GMDS: variants seen among roughly 807,000 people sequenced by gnomAD.
GMDS encodes GDP-mannose 4,6 dehydratase.
GMDS carries 20 observed loss-of-function variants against 49.9 expected under a neutral mutation model. The observed-to-expected ratio is 0.40, with a 90% CI of 0.28 to 0.58. GMDS has a LOEUF of 0.58. Ranked by LOEUF, GMDS falls within the 20% of genes least tolerant of loss-of-function variation. The pLI is 0.42. For missense variants in GMDS, 362 were observed against 481.4 expected (o/e 0.75, Z 2.32); for synonymous variants, 177 against 178.6 (o/e 0.99, Z 0.07).
rs545641212 is a variant in GMDS, at chr6:1,881,164, C to T, written c.771+48939G>A. 1.6e-4 allele frequency among the ~76,000 whole-genome samples: 25 copies of T among 152,016 alleles called. No individual in the cohort carries two copies. In the South Asian group the frequency reaches 3.3e-3, roughly 20 times the overall value. On this transcript the variant is annotated intron_variant, in intron 7 of 10. Transcript: ENST00000380815. ...ACAGGCAGGAGGGAAGTGGGGGCAC[C>T]GATAAATTTAAAAGACCAAACACAA... is the stretch of plus-strand genomic sequence containing the variant.
chr6:2,197,042 C>A (rs1185620953), intron 1 of GMDS, among the ~76,000 whole-genome samples: 2 of 152,168 alleles, frequency 1.3e-5, no homozygotes, highest in African/African-American at 4.8e-5. Flanking sequence ...CAGCAGCAGT[C>A]CCACACCCTT....
chr6:2,172,082 A>C (rs1778038188), intron 1 of GMDS, among the ~76,000 whole-genome samples: 1 of 152,152 alleles, frequency 6.6e-6, no homozygotes, highest in South Asian at 2.1e-4. Flanking sequence ...ACCCCCACGA[A>C]AAGCAAGAAT....
intron 4 of GMDS, among the ~76,000 whole-genome samples, chr6:1,979,760 C>A (rs373334299): frequency 6.6e-6 from 1 of 151,872 alleles, no homozygotes. Context: ...TCTCCAAGGT[C>A]GAAATAAAAG....
rs754644964 is a variant in GMDS at position 1,736,595 on chromosome 6, AC to A, written c.890+5872del. ...AGTTATATTTCCATCACTCAGTGTC[AC>A]AGATTTTACTCCACCTGGTCACAGC... On this transcript the variant is annotated intron_variant, in intron 8 of 10. Coordinates refer to ENST00000380815, the MANE Select transcript of GMDS (RefSeq NM_001500.4). 1.6e-4 allele frequency among the ~76,000 whole-genome samples: 24 copies of A among 152,306 alleles called. No individual in the cohort carries two copies. The South Asian group carries it at 1.7e-3, about 11-fold the overall frequency.
chr6:1,974,116 T>A, intron 4 of GMDS, among the ~76,000 whole-genome samples: 1 of 150,482 alleles, frequency 6.6e-6, no homozygotes. Flanking sequence ...CCTCCAAAAA[T>A]AGCAGATAGT....
chr6:1,913,238 G>A (rs1051463456), intron 7 of GMDS, among the ~76,000 whole-genome samples: 27 of 151,462 alleles, frequency 1.8e-4, no homozygotes, highest in African/African-American at 5.6e-4. Flanking sequence ...AAAATTAGCC[G>A]GGCGTAGTGG....
At chr6:1,706,198 G>A (rs1765729386) in intron 9 of GMDS, among the ~76,000 whole-genome samples, 1 of 152,178 alleles carries the variant, frequency 6.6e-6, no homozygotes, top group Non-Finnish European at 1.5e-5. Context: ...TATATATTGT[G>A]TATGATCAGA....
At chr6:1,631,021 A>G (rs1355899020) in intron 9 of GMDS, among the ~76,000 whole-genome samples, 4 of 152,216 alleles carry the variant, frequency 2.6e-5, no homozygotes, top group Non-Finnish European at 4.4e-5. Flanking sequence ...AACTGGATCT[A>G]GGGTGTAAAG....
In GMDS at chr6:1,776,915, G is replaced by A. The variant is rs572257007; in HGVS notation, c.772-34329C>T. 2.9e-4 allele frequency among the ~76,000 whole-genome samples: 44 copies of A among 152,276 alleles called. 1 individual carries two copies. The highest frequency in any genetic ancestry group is 9.9e-4 in the African/African-American group (41 of 41,562). ...CCCCCAAGATCTGCCAAGTCCTGGG[G>A]GGATGTGGCCCAAACCTCATCAACT... On this transcript the variant is annotated intron_variant, in intron 7 of 10. Coordinates refer to ENST00000380815, the MANE Select transcript of GMDS (RefSeq NM_001500.4).
At chr6:1,685,421 G>A (rs1182728553) in intron 9 of GMDS, among the ~76,000 whole-genome samples, 5 of 152,098 alleles carry the variant, frequency 3.3e-5, no homozygotes, top group Non-Finnish European at 7.4e-5. Context: ...CACTGCTATT[G>A]CTCTTCTGTT....
intron 7 of GMDS, among the ~76,000 whole-genome samples, chr6:1,743,727 C>T (rs958498393): frequency 6.7e-6 from 1 of 149,336 alleles, no homozygotes; most frequent in Non-Finnish European, 1.5e-5. Context: ...CTCGCAATTG[C>T]ACCTTAAAGA....
At chr6:2,062,643 A>G (rs896099584) in intron 4 of GMDS, among the ~76,000 whole-genome samples, 7 of 152,218 alleles carry the variant, frequency 4.6e-5, no homozygotes, top group Non-Finnish European at 7.3e-5. Flanking sequence ...CAAAAAAACA[A>G]AAGTCAAGAT....
chr6:2,059,237 A>G (rs1392882375), intron 4 of GMDS, among the ~76,000 whole-genome samples: 1 of 151,134 alleles, frequency 6.6e-6, no homozygotes, highest in African/African-American at 2.4e-5. Flanking sequence ...TTATGAACCC[A>G]AAAGAGGTGT....
chr6:1,683,138 T>TG (rs1179930710), intron 9 of GMDS, among the ~76,000 whole-genome samples: 5 of 152,186 alleles, frequency 3.3e-5, no homozygotes, highest in Admixed American at 3.3e-4. Flanking sequence ...TTTGTTTGTT[T>TG]TTTGAGTCAG....
At chr6:1,821,050 TC>T (rs1561826266) in intron 7 of GMDS, among the ~76,000 whole-genome samples, 1 of 152,184 alleles carries the variant, frequency 6.6e-6, no homozygotes, top group Non-Finnish European at 1.5e-5. Context: ...CCTCATTGTG[TC>T]TTGTATACAT....
At chr6:2,160,385 T>C (rs1777334928) in intron 1 of GMDS, among the ~76,000 whole-genome samples, 1 of 152,230 alleles carries the variant, frequency 6.6e-6, no homozygotes. Flanking sequence ...AGCACTACTA[T>C]GATCCCATTT....
chr6:1,666,292 G>A (rs577968717), intron 9 of GMDS, among the ~76,000 whole-genome samples: 36 of 152,158 alleles, frequency 2.4e-4, no homozygotes, highest in Non-Finnish European at 4.6e-4. Context: ...TTTCTGTGCC[G>A]TCTTTATTTT....
At chr6:1,852,471 A>ACT (rs1457851016) in intron 7 of GMDS, among the ~76,000 whole-genome samples, 4 of 152,216 alleles carry the variant, frequency 2.6e-5, no homozygotes, top group Non-Finnish European at 5.9e-5. Context: ...GCACAGTGAT[A>ACT]CATTTTCTGT....
intron 7 of GMDS, among the ~76,000 whole-genome samples, chr6:1,765,486 C>A (rs542460113): frequency 1.3e-5 from 2 of 152,242 alleles, no homozygotes; most frequent in African/African-American, 4.8e-5. Flanking sequence ...GCAGAGCCCC[C>A]ACAAAAATAT....
Sources: allele counts gnomAD v4.1 joint callset (sites outside exome capture counted in the v4.1 genomes callset), GRCh38; gene constraint gnomAD v4.1.1; transcripts MANE v1.5; gene names NCBI Gene and HGNC (gene_info 2026-07-23, HGNC 2026-07-21).